Variants in MEIKIN observed in about 807,000 individuals in gnomAD.
The protein encoded by MEIKIN is meiosis-specific kinetochore protein.
intron 11 of MEIKIN, among the ~76,000 whole-genome samples, chr5:131,850,651 C>T (rs1034159421): frequency 4.6e-5 from 7 of 151,988 alleles, no homozygotes; most frequent in African/African-American, 1.7e-4. Flanking sequence ...GGACCCTTAC[C>T]TAATACTATA....
At chr5:131,882,006 C>T (rs1750709012) in intron 8 of MEIKIN, among the ~76,000 whole-genome samples, 2 of 152,064 alleles carry the variant, frequency 1.3e-5, no homozygotes, top group South Asian at 4.1e-4. Context: ...TATAGTGCTC[C>T]CATCTCAATA....
chr5:131,888,327 CA>C (rs1461217409), intron 8 of MEIKIN, among the ~76,000 whole-genome samples: 1 of 142,674 alleles, frequency 7.0e-6, no homozygotes, highest in Non-Finnish European at 1.5e-5. Context: ...GTCCCACCAA[CA>C]GTGTAAAAGT....
At chr5:131,919,187 C>T (rs1751465412) in intron 6 of MEIKIN, among the ~76,000 whole-genome samples, 1 of 151,928 alleles carries the variant, frequency 6.6e-6, no homozygotes, top group Non-Finnish European at 1.5e-5. Context: ...CATTTGTCAC[C>T]TATTAGAGTA....
At chr5:131,830,701 G>A (rs1749700394) in intron 11 of MEIKIN, among the ~76,000 whole-genome samples, 1 of 152,146 alleles carries the variant, frequency 6.6e-6, no homozygotes, top group Non-Finnish European at 1.5e-5. Flanking sequence ...AAGCTAACTG[G>A]AGCCCTTAAC....
chr5:131,851,395 T>C lies in MEIKIN; in HGVS notation c.856-12A>G, dbSNP rs1401686268. The C allele has an allele frequency of 5.0e-6, 2 of 397,630 alleles. No homozygotes were observed. Among genetic ancestry groups the C allele is most frequent in the Non-Finnish European group, 8.9e-6 (2 of 225,242 alleles). 24.6% of individuals were successfully genotyped at this position (397,630 alleles called of 1,614,324 possible). On this transcript the variant is annotated splice_polypyrimidine_tract_variant and intron_variant, in intron 10 of 12. Transcript: ENST00000442687. ...GAGGACAAATCAATCTATAAAAGAA[T>C]ACATTATTGTTTTGTGGAAGTTAAA...
At chr5:131,871,479 T>A (rs920684963) in intron 9 of MEIKIN, among the ~76,000 whole-genome samples, 3 of 152,172 alleles carry the variant, frequency 2.0e-5, no homozygotes, top group African/African-American at 7.2e-5. Flanking sequence ...GAGTCTTGAT[T>A]AGGTAAACAA....
chr5:131,933,412 G>A (rs193276426), intron 5 of MEIKIN, 101 bp downstream of exon 5: 49 of 384,316 alleles, frequency 1.3e-4, no homozygotes, highest in African/African-American at 7.6e-4. Flanking sequence ...TGAGGAAGAG[G>A]AGTATGCCTT....
chr5:131,826,554 A>G (rs1580861086), intron 11 of MEIKIN, among the ~76,000 whole-genome samples: 2 of 152,330 alleles, frequency 1.3e-5, no homozygotes, highest in East Asian at 3.9e-4. Context: ...GCCATGATTG[A>G]TAGAGTTTGG....
intron 9 of MEIKIN, among the ~76,000 whole-genome samples, chr5:131,871,564 T>A (rs1461021683): frequency 6.6e-6 from 1 of 152,194 alleles, no homozygotes; most frequent in Admixed American, 6.5e-5. Context: ...AGGCTCCACC[T>A]CTGGGGACAG....
chr5:131,828,384 A>C (rs2149605753), intron 11 of MEIKIN, among the ~76,000 whole-genome samples: 1 of 152,084 alleles, frequency 6.6e-6, no homozygotes, highest in Non-Finnish European at 1.5e-5. Flanking sequence ...GCTGGTCTTG[A>C]ACTCCTGAGC....
chr5:131,912,486 A>T (rs1751347699), intron 7 of MEIKIN, among the ~76,000 whole-genome samples: 2 of 152,082 alleles, frequency 1.3e-5, no homozygotes, highest in Non-Finnish European at 1.5e-5. Flanking sequence ...AGGAATAAAT[A>T]AGAAAGGATC....
chr5:131,895,363 T>G (rs1222968604), intron 8 of MEIKIN, among the ~76,000 whole-genome samples: 1 of 152,186 alleles, frequency 6.6e-6, no homozygotes, highest in Non-Finnish European at 1.5e-5. Flanking sequence ...TTTCATTGTG[T>G]CTCTGCCAGG....
At chr5:131,874,738 A>C (rs1002108891) in intron 9 of MEIKIN, among the ~76,000 whole-genome samples, 13 of 152,326 alleles carry the variant, frequency 8.5e-5, no homozygotes, top group African/African-American at 3.1e-4. Context: ...TTGATGCAAA[A>C]ATCCTCAATA....
chr5:131,885,185 C>T (rs762011879), intron 8 of MEIKIN, among the ~76,000 whole-genome samples: 1 of 152,060 alleles, frequency 6.6e-6, no homozygotes, highest in Admixed American at 6.6e-5. Context: ...TGAGAAAACA[C>T]AGGCAATAGC....
chr5:131,849,340 C>A (rs1750070218), intron 11 of MEIKIN, among the ~76,000 whole-genome samples: 1 of 151,304 alleles, frequency 6.6e-6, no homozygotes, highest in South Asian at 2.1e-4. Context: ...TCCCCTTTTG[C>A]CTTTCACCAT....
At chr5:131,855,667 A>G (rs1750180418) in intron 9 of MEIKIN, among the ~76,000 whole-genome samples, 2 of 152,018 alleles carry the variant, frequency 1.3e-5, no homozygotes, top group South Asian at 2.1e-4. Context: ...AGAGAAGGAG[A>G]GAGGAAAAAA....
At chr5:131,927,425 AAT>A (rs1415169603) in intron 5 of MEIKIN, among the ~76,000 whole-genome samples, 1 of 152,164 alleles carries the variant, frequency 6.6e-6, no homozygotes, top group African/African-American at 2.4e-5. Context: ...GCATGAGAGA[AAT>A]ATATATTCTG....
At chr5:131,937,634 A>G (rs1429186132) in intron 4 of MEIKIN, among the ~76,000 whole-genome samples, 1 of 152,040 alleles carries the variant, frequency 6.6e-6, no homozygotes, top group Non-Finnish European at 1.5e-5. Flanking sequence ...CATCCAGGAC[A>G]ACTTTTGAGT....
At chr5:131,842,062 C>T (rs904712654) in intron 11 of MEIKIN, among the ~76,000 whole-genome samples, 6 of 151,852 alleles carry the variant, frequency 4.0e-5, no homozygotes, top group East Asian at 3.9e-4. Context: ...TGCAGTGGCA[C>T]GATCTTGGCT....
Sources: allele counts gnomAD v4.1 joint callset (sites outside exome capture counted in the v4.1 genomes callset), GRCh38; gene constraint gnomAD v4.1.1; transcripts MANE v1.5; gene names NCBI Gene and HGNC (gene_info 2026-07-23, HGNC 2026-07-21).